Variants in ARHGAP42 observed in about 807,000 individuals in gnomAD.
ARHGAP42 encodes rho GTPase-activating protein 42.
In ARHGAP42, 63 loss-of-function variants were observed where a neutral mutation model predicts 125.0. That is an observed-to-expected ratio of 0.50 (90% CI 0.41 to 0.62). ARHGAP42 has a LOEUF of 0.62. Among genes scored for constraint, ARHGAP42 ranks in the 20% least tolerant of loss-of-function variants. The probability of loss-of-function intolerance (pLI) is 0.00; values close to 1 mark genes in which losing one functional copy is unlikely to be tolerated. For missense variants in ARHGAP42, 766 were observed against 1,024.2 expected, an observed-to-expected ratio of 0.75 and a Z score of 3.44; for synonymous variants, 339 against 351.0, an observed-to-expected ratio of 0.97 and a Z score of 0.38.
chr11:100,950,148 T>TA (rs1868136928), intron 12 of ARHGAP42, among the ~76,000 whole-genome samples, 192 bp downstream of exon 12: 1 of 31,702 alleles, frequency 3.2e-5, no homozygotes, highest in East Asian at 0.038. Context: ...TAACAAAAGT[T>TA]AATTTTTATT....
At chr11:100,795,812 A>G (rs1863696635) in intron 3 of ARHGAP42, among the ~76,000 whole-genome samples, 1 of 152,220 alleles carries the variant, frequency 6.6e-6, no homozygotes, top group South Asian at 2.1e-4. Flanking sequence ...TATATATCCC[A>G]CAGGATTGTT....
rs563116818 is a variant in ARHGAP42, at chr11:100,799,876, G to A, written c.312+4710G>A. 2.2e-4 allele frequency among the ~76,000 whole-genome samples: 33 copies of A among 152,236 alleles called. No individual in the cohort carries two copies. In the South Asian group the frequency reaches 3.7e-3, roughly 17 times the overall value. On this transcript the variant is annotated intron_variant, in intron 3 of 23. Coordinates refer to ENST00000298815, the MANE Select transcript of ARHGAP42 (RefSeq NM_152432.4). ...GAAAAGAAAGAGGGTTGATAAAAAC[G>A]TAGTAGAAATGTGAAATGGTAAAAT...
At chr11:100,810,442 C>T (rs1305489929) in intron 3 of ARHGAP42, among the ~76,000 whole-genome samples, 5 of 152,228 alleles carry the variant, frequency 3.3e-5, no homozygotes, top group East Asian at 1.9e-4. Context: ...ATGTGGCCAC[C>T]GTATGAAAAC....
chr11:100,740,066 ATT>A (rs34223817), intron 1 of ARHGAP42, among the ~76,000 whole-genome samples: 2,100 of 143,436 alleles, frequency 0.015, 62 homozygotes, highest in African/African-American at 0.049. Flanking sequence ...TATTAGTACA[ATT>A]TTTTTTTTTT....
chr11:100,758,987 A>C (rs992659234), intron 1 of ARHGAP42, among the ~76,000 whole-genome samples: 3 of 152,106 alleles, frequency 2.0e-5, no homozygotes, highest in African/African-American at 7.2e-5. Flanking sequence ...TATTTGTGAA[A>C]AATTTTAGTG....
intron 23 of ARHGAP42, 68 bp from the exon 24 acceptor site, chr11:100,988,645 C>G: frequency 7.6e-7 from 1 of 1,314,068 alleles, no homozygotes; most frequent in East Asian, 2.5e-5. Context: ...GGGTGTTTAA[C>G]CCATCTGTTT....
At chr11:100,954,187 G>A (rs115672599) in intron 12 of ARHGAP42, among the ~76,000 whole-genome samples, 2,428 of 152,122 alleles carry the variant, frequency 0.016, 61 homozygotes, top group African/African-American at 0.056. Context: ...TTCTGAGCTG[G>A]TCCTTCAACC....
chr11:100,863,361 A>G (rs1023567383), intron 4 of ARHGAP42, among the ~76,000 whole-genome samples: 16 of 152,214 alleles, frequency 1.1e-4, no homozygotes, highest in African/African-American at 3.9e-4. Context: ...CACTGCAGTC[A>G]GCGACCTCTT....
At chr11:100,863,079 C>CA (rs1555013588) in intron 4 of ARHGAP42, among the ~76,000 whole-genome samples, 2 of 110,458 alleles carry the variant, frequency 1.8e-5, no homozygotes, top group African/African-American at 7.8e-5. Context: ...CACACACACA[C>CA]ACAACAACAA....
At chr11:100,918,454 A>G (rs928238355) in intron 5 of ARHGAP42, among the ~76,000 whole-genome samples, 1 of 152,116 alleles carries the variant, frequency 6.6e-6, no homozygotes, top group Non-Finnish European at 1.5e-5. Context: ...TGCCAGGTAA[A>G]CAAGTTTACA....
At chr11:100,690,846 C>T (rs1235400419) in intron 1 of ARHGAP42, among the ~76,000 whole-genome samples, 10 of 152,102 alleles carry the variant, frequency 6.6e-5, no homozygotes, top group East Asian at 3.9e-4. Context: ...GTGATCTGCC[C>T]GCCTCAGCCT....
At chr11:100,736,195 G>A (rs1862064502) in intron 1 of ARHGAP42, among the ~76,000 whole-genome samples, 1 of 152,220 alleles carries the variant, frequency 6.6e-6, no homozygotes, top group African/African-American at 2.4e-5. Context: ...TGAAGCCTCA[G>A]TGGGCTTGAG....
intron 3 of ARHGAP42, among the ~76,000 whole-genome samples, chr11:100,799,260 AT>A (rs923854540): frequency 4.6e-5 from 7 of 152,208 alleles, no homozygotes; most frequent in African/African-American, 1.2e-4. Flanking sequence ...GACCACATTC[AT>A]TTAGGAAACA....
rs778992563 is a variant in ARHGAP42 at position 100,973,341 on chromosome 11, G to A, written c.1710+7G>A. On this transcript the variant is annotated splice_region_variant and intron_variant, in intron 18 of 23. Coordinates refer to ENST00000298815, the MANE Select transcript of ARHGAP42 (RefSeq NM_152432.4). ...GATAGAGCACTATGAAAAGGTAGGC[G>A]GAATTTTCATGTGGAAGTGTCAAGT... 63 of 1,546,876 alleles carry A rather than the reference G, an allele frequency of 4.1e-5. No individual in the cohort carries two copies. In the East Asian group the frequency reaches 1.1e-3, roughly 28 times the overall value.
At chr11:100,903,744 A>ATATC (rs1866637479) in intron 4 of ARHGAP42, among the ~76,000 whole-genome samples, 11 of 114,022 alleles carry the variant, frequency 9.6e-5, no homozygotes, top group Non-Finnish European at 1.7e-4. Context: ...ATATATATAT[A>ATATC]TATATATATA....
rs1307698779 is a variant in ARHGAP42, at chr11:100,779,467, A to ATAT, written c.250+9029_250+9030insTAT. ...TCTCAAAAAAAAAAAAAAAAAAAAA[A>ATAT]ATATATATATATATATATACACACA... On this transcript the variant is annotated intron_variant, in intron 2 of 23. Coordinates refer to ENST00000298815, the MANE Select transcript of ARHGAP42 (RefSeq NM_152432.4). Among the ~76,000 whole-genome samples the ATAT allele has an allele frequency of 1.3e-4, 11 of 85,664 alleles. No homozygotes were observed. In the East Asian group the frequency reaches 3.9e-3, roughly 30 times the overall value. The allele number at this position is 85,664 out of a possible 152,430, so 56.2% of individuals were successfully genotyped here.
chr11:100,780,647 A>T (rs1863288846), intron 2 of ARHGAP42, among the ~76,000 whole-genome samples: 1 of 152,216 alleles, frequency 6.6e-6, no homozygotes, highest in South Asian at 2.1e-4. Flanking sequence ...TTAGAGTCAG[A>T]AACCGGCTTT....
intron 5 of ARHGAP42, among the ~76,000 whole-genome samples, chr11:100,920,291 G>T (rs568969641): frequency 1.3e-5 from 2 of 152,258 alleles, no homozygotes; most frequent in Admixed American, 6.5e-5. Flanking sequence ...GATAATTACA[G>T]CTGATTCTTG....
At chr11:100,766,406 T>C (rs941587416) in intron 1 of ARHGAP42, among the ~76,000 whole-genome samples, 7 of 152,226 alleles carry the variant, frequency 4.6e-5, no homozygotes, top group Non-Finnish European at 1.5e-5. Flanking sequence ...TTTAGTATGA[T>C]ATTTTAACAC....
Sources: gnomAD v4.1 joint callset for allele counts (sites outside exome capture counted in the v4.1 genomes callset) on GRCh38, gnomAD v4.1.1 for gene constraint, MANE v1.5 for transcripts, NCBI Gene and HGNC (gene_info 2026-07-23, HGNC 2026-07-21) for gene names.